Variants in ARHGEF18 observed in about 807,000 individuals in gnomAD.
ARHGEF18 encodes the protein Rho/Rac guanine nucleotide exchange factor 18, also known as rho guanine nucleotide exchange factor 18.
In ARHGEF18, 93 loss-of-function variants were observed where a neutral mutation model predicts 155.7. That is an observed-to-expected ratio of 0.60 (90% CI 0.50 to 0.71). The LOEUF (loss-of-function observed/expected upper bound fraction) is 0.71. Ranked by LOEUF, ARHGEF18 falls within the 30% of genes least tolerant of loss-of-function variation. ARHGEF18 has a pLI of 0.00. For synonymous variants in ARHGEF18, 742 were observed against 753.1 expected (o/e 0.99, Z 0.24); for missense variants, 1,593 against 1,816.1 (o/e 0.88, Z 2.23).
At chr19:7,360,471 A>G (rs944986050) in intron 1 of ARHGEF18, among the ~76,000 whole-genome samples, 5 of 152,038 alleles carry the variant, frequency 3.3e-5, no homozygotes, top group Middle Eastern at 3.2e-3. Flanking sequence ...CCTCACCTCA[A>G]GTGATCCGCC....
intron 10 of ARHGEF18, among the ~76,000 whole-genome samples, chr19:7,434,023 A>G (rs1292421858): frequency 6.6e-5 from 7 of 105,762 alleles, no homozygotes; most frequent in African/African-American, 2.7e-4. Flanking sequence ...GTCTCATTAA[A>G]AAAAAAAAAA....
chr19:7,400,145 C>T (rs1375772294), intron 10 of ARHGEF18, among the ~76,000 whole-genome samples: 5 of 152,044 alleles, frequency 3.3e-5, no homozygotes, highest in Non-Finnish European at 7.4e-5. Flanking sequence ...ACGTTTAACA[C>T]ATTGTGGATG....
chr19:7,462,037 G>T lies in ARHGEF18; in HGVS notation c.2453-115G>T. The T allele has an allele frequency of 8.3e-7, 1 of 1,207,076 alleles. No homozygotes were observed. The highest frequency in any genetic ancestry group is 1.2e-6 in the Non-Finnish European group (1 of 831,302). 74.8% of individuals were successfully genotyped at this position (1,207,076 alleles called of 1,614,324 possible). On this transcript the variant is annotated intron_variant, in intron 20 of 28. Coordinates refer to ENST00000668164, the MANE Select transcript of ARHGEF18 (RefSeq NM_001367823.1). This position sits in a 1 kb window ranked among gnomAD's most constrained non-coding sequence, Gnocchi z 4.4. The stretch of plus-strand genomic sequence containing the variant: ...CAGGAATGCAGGACACAAGGGGGCA[G>T]CCTACCTCAGGGCAGGGCCAGCGGG...
chr19:7,439,807 A>T (rs1974509357), intron 10 of ARHGEF18: 7 of 1,433,126 alleles, frequency 4.9e-6, no homozygotes, highest in Non-Finnish European at 6.4e-6. Flanking sequence ...TCATGATCTT[A>T]GACTATTTAC....
chr19:7,420,689 A>G (rs1182456508), intron 10 of ARHGEF18, among the ~76,000 whole-genome samples: 1 of 152,234 alleles, frequency 6.6e-6, no homozygotes, highest in Admixed American at 6.5e-5. Context: ...GCTCAAGTGC[A>G]TAACTTTGAT....
intron 1 of ARHGEF18, among the ~76,000 whole-genome samples, chr19:7,361,067 G>A (rs898576949): frequency 1.3e-5 from 2 of 152,198 alleles, no homozygotes; most frequent in Non-Finnish European, 2.9e-5. Flanking sequence ...AGCTCTGCAA[G>A]AGGCTCCAAC....
At chr19:7,476,452 C>T (rs1325459512), downstream of ARHGEF18, among the ~76,000 whole-genome samples, 1 of 152,266 alleles carries the variant, frequency 6.6e-6, no homozygotes, top group African/African-American at 2.4e-5. Context: ...GGGTTGTTCT[C>T]AGCCAGCAGA....
At chr19:7,456,029 A>G (rs1191712518) in intron 17 of ARHGEF18, among the ~76,000 whole-genome samples, 1 of 151,668 alleles carries the variant, frequency 6.6e-6, no homozygotes, top group Non-Finnish European at 1.5e-5. Context: ...CAGACCCAGC[A>G]GGTGTTGTTA....
At chr19:7,355,163 C>T (rs1969255976) in intron 1 of ARHGEF18, among the ~76,000 whole-genome samples, 1 of 151,708 alleles carries the variant, frequency 6.6e-6, no homozygotes. Flanking sequence ...CAAATACACC[C>T]CCACATTGAC....
chr19:7,370,365 G>A (rs561274134), intron 2 of ARHGEF18, among the ~76,000 whole-genome samples: 46 of 151,848 alleles, frequency 3.0e-4, no homozygotes, highest in African/African-American at 9.4e-4. Context: ...GCGTGGTGGC[G>A]GGGGCCTGTA....
rs2145416189 is a variant in ARHGEF18, at chr19:7,375,703, CCT to C, written c.276-16_276-15del. ...GCAAGACCTGCTGAAGCCCCAGTACCCTGTCTTCTCCACTAGGCTCAGCCTCG... is the reference window on the plus strand; with the variant it reads ...GCAAGACCTGCTGAAGCCCCAGTACCGTCTTCTCCACTAGGCTCAGCCTCG... On this transcript the variant is annotated splice_polypyrimidine_tract_variant and intron_variant, in intron 3 of 28. Coordinates refer to ENST00000668164, the MANE Select transcript of ARHGEF18 (RefSeq NM_001367823.1). The C allele has an allele frequency of 8.1e-7, 1 of 1,234,246 alleles. No homozygotes were observed. The highest frequency in any genetic ancestry group is 1.5e-5 in the African/African-American group (1 of 64,592). The allele number at this position is 1,234,246 out of a possible 1,614,324, so 76.5% of individuals were successfully genotyped here. A position where few individuals can be genotyped will look rare whatever the true frequency, so the allele number is the denominator to read the frequency against.
intron 1 of ARHGEF18, among the ~76,000 whole-genome samples, chr19:7,356,988 G>T (rs529531339): frequency 6.6e-6 from 1 of 152,180 alleles, no homozygotes; most frequent in Non-Finnish European, 1.5e-5. Flanking sequence ...CTGGGGTTAG[G>T]GGGAGAGAGG....
At chr19:7,445,402 C>A (rs547000602) in intron 14 of ARHGEF18, among the ~76,000 whole-genome samples, 1 of 152,120 alleles carries the variant, frequency 6.6e-6, no homozygotes, top group Non-Finnish European at 1.5e-5. Flanking sequence ...GAGCTATGAT[C>A]ATGCCACTGC....
chr19:7,404,792 A>G (rs763930686), intron 10 of ARHGEF18, among the ~76,000 whole-genome samples: 11 of 152,064 alleles, frequency 7.2e-5, no homozygotes, highest in Admixed American at 1.3e-4. Context: ...GGGCCTGAAG[A>G]CAGGGGCCTC....
intron 10 of ARHGEF18, among the ~76,000 whole-genome samples, chr19:7,387,871 G>A (rs1346698402): frequency 6.6e-6 from 1 of 151,798 alleles, no homozygotes; most frequent in African/African-American, 2.4e-5. Flanking sequence ...CACCATGTTA[G>A]CCAGGCTGGT....
chr19:7,420,809 C>CTCT (rs2145674545), intron 10 of ARHGEF18, among the ~76,000 whole-genome samples: 1 of 152,328 alleles, frequency 6.6e-6, no homozygotes, highest in Admixed American at 6.5e-5. Context: ...CCCTGAGTCA[C>CTCT]ACCCGTCGTG....
At chr19:7,477,293 C>A, downstream of ARHGEF18, 2 of 1,578,448 alleles carry the variant, frequency 1.3e-6, no homozygotes, top group Admixed American at 3.7e-5. Flanking sequence ...GCCCACTAGC[C>A]ACGGCGGGAA....
chr19:7,463,697 C>A lies in ARHGEF18; in HGVS notation c.2636-121C>A. On this transcript the variant is annotated intron_variant, in intron 21 of 28. Coordinates refer to ENST00000668164, the MANE Select transcript of ARHGEF18 (RefSeq NM_001367823.1). This position sits in a 1 kb window ranked among gnomAD's most constrained non-coding sequence, Gnocchi z 5.2. ...AAATCCCACGGCACACAGAAGGGGG[C>A]AGGCGATCACCACCCCAGTGAGTCC... The A allele has an allele frequency of 8.2e-7, 1 of 1,221,594 alleles. No homozygotes were observed. Among genetic ancestry groups the A allele is most frequent in the Non-Finnish European group, 1.1e-6 (1 of 890,268 alleles). The allele number at this position is 1,221,594 out of a possible 1,614,324, so 75.7% of individuals were successfully genotyped here.
chr19:7,467,923 A>T (rs760671296), intron 26 of ARHGEF18, among the ~76,000 whole-genome samples: 6 of 50,244 alleles, frequency 1.2e-4, no homozygotes, highest in East Asian at 9.5e-4. Context: ...GAAACTTCTT[A>T]AAAAAAAAAT....
Sources: gnomAD v4.1 joint callset for allele counts (sites outside exome capture counted in the v4.1 genomes callset) on GRCh38, gnomAD v4.1.1 for gene constraint, Gnocchi (gnomAD v3.1) non-coding constraint, MANE v1.5 for transcripts, NCBI Gene and HGNC (gene_info 2026-07-23, HGNC 2026-07-21) for gene names.